NXF1: variants seen among roughly 807,000 people sequenced by gnomAD.
NXF1 encodes the protein mRNA export factor TAP.
In NXF1, 43 loss-of-function variants were observed where a neutral mutation model predicts 92.4. The ratio of observed to expected loss-of-function variants is 0.47; its 90% confidence interval spans 0.36 to 0.60. NXF1 has a LOEUF of 0.60. NXF1 is among the 20% of genes least tolerant of loss of function. NXF1 has a pLI of 0.00. For missense variants in NXF1, 576 were observed against 793.0 expected (o/e 0.73, Z 3.29); for synonymous variants, 288 against 292.2 (o/e 0.99, Z 0.15).
intron 19 of NXF1, 88 bp downstream of exon 19, chr11:62,794,170 A>C: frequency 2.9e-6 from 4 of 1,358,348 alleles, no homozygotes; most frequent in Non-Finnish European, 4.0e-6. Context: ...GTCTCCAAAA[A>C]AAAAACAAAA....
At chr11:62,797,462 G>T in intron 11 of NXF1, 76 bp from the exon 12 acceptor site, 1 of 1,298,698 alleles carries the variant, frequency 7.7e-7, no homozygotes, top group Non-Finnish European at 1.1e-6. Flanking sequence ...AACTTTGGGA[G>T]GCCGAGGCAG....
At chr11:62,798,126 CAA>C (rs34495263) in intron 11 of NXF1, among the ~76,000 whole-genome samples, 103 of 98,546 alleles carry the variant, frequency 1.0e-3, no homozygotes, top group African/African-American at 1.6e-3. Flanking sequence ...AGACTCCATC[CAA>C]AAAAAAAAAA....
At chr11:62,798,450 A>T in intron 11 of NXF1, 89 bp downstream of exon 11, 1 of 1,509,056 alleles carries the variant, frequency 6.6e-7, no homozygotes, top group Non-Finnish European at 8.9e-7. Flanking sequence ...AAAAAAAAAA[A>T]GAAAAAGAAA....
chr11:62,794,590 T>A (rs1188904068), intron 18 of NXF1, 150 bp from the exon 19 acceptor site: 3 of 704,898 alleles, frequency 4.3e-6, no homozygotes, highest in Non-Finnish European at 4.7e-6. Context: ...TCCCATGGAA[T>A]CAATGTTTGG....
rs1263983034 is a variant in NXF1 at position 62,798,822 on chromosome 11, C to T, written c.1017-247G>A. 1.4e-5 allele frequency: 18 copies of T among 1,315,682 alleles called. No homozygotes were observed. In the East Asian group the frequency reaches 4.5e-4, roughly 33 times the overall value. The allele number at this position is 1,315,682 out of a possible 1,614,324, so 81.5% of individuals were successfully genotyped here. Reference sequence around the variant, plus strand: ...TGACCCTGAGTGTCAAGGAGCAGTACTCCAAGCCCAGGCTTTAAGCCCAGG... The same window carrying T: ...TGACCCTGAGTGTCAAGGAGCAGTATTCCAAGCCCAGGCTTTAAGCCCAGG... On this transcript the variant is annotated intron_variant, in intron 10 of 20. Coordinates refer to ENST00000294172, the MANE Select transcript of NXF1 (RefSeq NM_006362.5).
At position 62,797,867 on chromosome 11, in the gene NXF1, C is replaced by T. The variant is rs560926452; in HGVS notation, c.1054-481G>A. Among the ~76,000 whole-genome samples the T allele has an allele frequency of 1.5e-3, 232 of 152,224 alleles. 1 individual carries two copies. The highest frequency in any genetic ancestry group is 5.4e-3 in the African/African-American group (223 of 41,546). On this transcript the variant is annotated intron_variant, in intron 11 of 20. Transcript: ENST00000294172. ...TCCAGGCTGGGCGCAGTGGCTCACACCTGTAATCCCAGCACACTGGGAGGC... is the reference window on the plus strand; with the variant it reads ...TCCAGGCTGGGCGCAGTGGCTCACATCTGTAATCCCAGCACACTGGGAGGC...
intron 10 of NXF1, chr11:62,799,783 G>T (rs2084458811): frequency 2.0e-6 from 2 of 985,746 alleles, no homozygotes; most frequent in Admixed American, 6.1e-5. Flanking sequence ...CTTCTTCAGG[G>T]AGAGCCCAGC....
In NXF1 at chr11:62,792,312, G is replaced by A; in HGVS notation, c.*164C>T. 1 of 863,696 alleles carries A rather than the reference G, an allele frequency of 1.2e-6. No homozygotes were observed. 53.5% of individuals were successfully genotyped at this position (863,696 alleles called of 1,614,324 possible). Reference sequence around the variant, plus strand: ...CACCAGTGAGGCTCAATCTTCTGAAGTCTTCCAGAAGGCAGGCGAGGAGAG... The same window carrying A: ...CACCAGTGAGGCTCAATCTTCTGAAATCTTCCAGAAGGCAGGCGAGGAGAG... On this transcript the variant is annotated 3_prime_UTR_variant, in exon 21 of 21. Coordinates refer to ENST00000294172, the MANE Select transcript of NXF1 (RefSeq NM_006362.5).
In NXF1 at chr11:62,805,351, C is replaced by G. The variant is rs773792631; in HGVS notation, c.6G>C (p.Ala2=). The G allele has an allele frequency of 6.2e-7, 1 of 1,611,514 alleles. No individual in the cohort carries two copies. Among genetic ancestry groups the G allele is most frequent in the Admixed American group, 1.7e-5 (1 of 59,702 alleles). The part of the protein sequence containing the change: M[A]DEGKSYSEHD... Reference sequence around the variant, plus strand: ...TACCGCTGTACGACTTCCCCTCGTCCGCCATGCCACAGCGAAGATCAAGGG... The same window carrying G: ...TACCGCTGTACGACTTCCCCTCGTCGGCCATGCCACAGCGAAGATCAAGGG... The change falls in exon 1 of 21, where the codon GCG becomes GCC. Residue 2 remains alanine, a synonymous_variant. Transcript: ENST00000294172.
intron 1 of NXF1, chr11:62,804,318 T>C: frequency 1.3e-6 from 1 of 780,198 alleles, no homozygotes; most frequent in African/African-American, 1.8e-5. Context: ...GTACTTTGTC[T>C]ATACAGTGCA....
chr11:62,794,374 G>C lies in NXF1; in HGVS notation c.1644C>G (p.Phe548Leu). ...AGGAAGGCGTGGGTGCAGGCATAGC[G>C]AAGGCTCTTTGGATCTCTTCAGAAC... ...NASSEEIQRAFAMPAPTPSSS... is the reference protein window; with the variant it reads ...NASSEEIQRALAMPAPTPSSS... Residue 548 changes from phenylalanine (F) to leucine (L), a missense_variant, in exon 19 of 21, where the codon TTC (phenylalanine) becomes TTG (leucine). Phe to Leu is a conservative substitution (Grantham distance 22). Coordinates refer to ENST00000294172, the MANE Select transcript of NXF1 (RefSeq NM_006362.5). The C allele has an allele frequency of 5.0e-6, 8 of 1,614,164 alleles. No individual in the cohort carries two copies. The highest frequency in any genetic ancestry group is 6.8e-6 in the Non-Finnish European group (8 of 1,180,024).
chr11:62,795,825 GA>G lies in NXF1; in HGVS notation c.1504+75del, dbSNP rs1460798976. 2.2e-6 allele frequency: 3 copies of G among 1,342,514 alleles called. No homozygotes were observed. The African/African-American group carries it at 4.3e-5, about 19-fold the overall frequency. The allele number at this position is 1,342,514 out of a possible 1,614,324, so 83.2% of individuals were successfully genotyped here. A position where few individuals can be genotyped will look rare whatever the true frequency, so the allele number is the denominator to read the frequency against. On this transcript the variant is annotated intron_variant, in intron 17 of 20. Coordinates refer to ENST00000294172, the MANE Select transcript of NXF1 (RefSeq NM_006362.5). ...AGAAAATGGGAGAGAAAGTAGCTGG[GA>G]AGCTAAGAGTGCTGAGGAAAATTCC...
At chr11:62,795,867 C>T in intron 17 of NXF1, 34 bp downstream of exon 17, 1 of 1,603,590 alleles carries the variant, frequency 6.2e-7, no homozygotes. Flanking sequence ...GGGGTGGGAC[C>T]ACGCTACAAA....
In NXF1 at chr11:62,796,067, G is replaced by C. The variant is rs1417281307; in HGVS notation, c.1460C>G (p.Thr487Arg). 6.2e-7 allele frequency: 1 copy of C among 1,613,208 alleles called. No homozygotes were observed. ...TGTCAGGCGCAAGCAGGAGCTTACTGTCTGGGCGCTTATGTCTACCACGAA... is the reference window on the plus strand; with the variant it reads ...TGTCAGGCGCAAGCAGGAGCTTACTCTCTGGGCGCTTATGTCTACCACGAA... ...NSFVVDISAQ[T>R]STLLCFSVNG... The change falls in exon 16 of 21, where the codon ACA (threonine) becomes AGA (arginine). Residue 487 changes from threonine to arginine, a missense_variant and splice_region_variant. Physicochemically the swap from Thr to Arg is moderately conservative, Grantham distance 71. This residue lies in a region of NXF1 where 425 missense variants were observed against 635.2 expected (regional missense o/e 0.67). Transcript: ENST00000294172.
intron 10 of NXF1, chr11:62,799,108 G>C (rs891519049): frequency 9.1e-6 from 9 of 985,794 alleles, no homozygotes; most frequent in African/African-American, 3.5e-5. Flanking sequence ...AAAAAGGCAA[G>C]ATGGGGCAGG....
At chr11:62,799,134 G>A (rs2084452125) in intron 10 of NXF1, 5 of 982,086 alleles carry the variant, frequency 5.1e-6, no homozygotes, top group Non-Finnish European at 6.0e-6. Context: ...GGGAGAGATG[G>A]GGAGGTATAG....
chr11:62,795,771 G>A (rs1273732357), intron 17 of NXF1, 130 bp downstream of exon 17: 1 of 877,382 alleles, frequency 1.1e-6, no homozygotes, highest in African/African-American at 1.6e-5. Flanking sequence ...AAGACGGCTT[G>A]GGGGCAGAAT....
In NXF1 at chr11:62,801,178, G is replaced by C. The variant is rs774673205; in HGVS notation, c.822C>G (p.Asn274Lys). ...IPELLSLNLS[N>K]NRLYRLDDMS... is the part of the protein sequence containing the mutation. ...TGTCATCCAGCCTGTACAGCCTGTTGTTGCTCAAGTTCAAGGACAATAGCT... is the reference window on the plus strand; with the variant it reads ...TGTCATCCAGCCTGTACAGCCTGTTCTTGCTCAAGTTCAAGGACAATAGCT... Residue 274 changes from asparagine (N) to lysine (K), a missense_variant, in exon 9 of 21, where the codon AAC becomes AAG. Around this residue, in one of 2 missense-constraint regions of NXF1, gnomAD observed 425 missense variants for 635.2 expected, o/e 0.67. Transcript: ENST00000294172. 2 of 1,614,184 alleles carry C rather than the reference G, an allele frequency of 1.2e-6. No homozygotes were observed. Among genetic ancestry groups the C allele is most frequent in the Non-Finnish European group, 1.7e-6 (2 of 1,180,016 alleles).
At position 62,805,428 on chromosome 11, in the gene NXF1, T is replaced by C. The variant is rs369663429; in HGVS notation, c.-72A>G. On this transcript the variant is annotated 5_prime_UTR_variant, in exon 1 of 21. Coordinates refer to ENST00000294172, the MANE Select transcript of NXF1 (RefSeq NM_006362.5). ...GGCAAACAACCTAACTCCCAAGCGCTCAGGACCGAAGTGTCCCTACGCCGG... is the reference window on the plus strand; with the variant it reads ...GGCAAACAACCTAACTCCCAAGCGCCCAGGACCGAAGTGTCCCTACGCCGG... The C allele has an allele frequency of 2.7e-4, 428 of 1,601,716 alleles. 4 individuals carry two copies. The South Asian group carries it at 4.0e-3, about 15-fold the overall frequency.
Sources: allele counts gnomAD v4.1 joint callset (sites outside exome capture counted in the v4.1 genomes callset), GRCh38; gene constraint gnomAD v4.1.1; regional missense constraint gnomAD v4.1.1; transcripts MANE v1.5; gene names NCBI Gene and HGNC (gene_info 2026-07-23, HGNC 2026-07-21).